Variants in NCAM2 observed in about 807,000 individuals in gnomAD.
The protein encoded by NCAM2 is N-CAM-2.
In NCAM2, 30 loss-of-function variants were observed where a neutral mutation model predicts 98.1. That is an observed-to-expected ratio of 0.31 (90% CI 0.23 to 0.41). The LOEUF (loss-of-function observed/expected upper bound fraction) is 0.41. Ranked by LOEUF, NCAM2 falls within the 10% of genes least tolerant of loss-of-function variation. NCAM2 has a pLI of 1.00. For missense variants in NCAM2, 867 were observed against 1,005.8 expected (o/e 0.86, Z 1.87); for synonymous variants, 368 against 342.4 (o/e 1.07, Z -0.83).
chr21:21,135,934 G>T (rs907450037), intron 1 of NCAM2, among the ~76,000 whole-genome samples: 1 of 123,422 alleles, frequency 8.1e-6, no homozygotes, highest in African/African-American at 3.5e-5. Context: ...AGTGTCCCAT[G>T]TATTTAAAAA....
At chr21:21,537,081 T>A (rs552693746) in intron 17 of NCAM2, among the ~76,000 whole-genome samples, 5 of 152,212 alleles carry the variant, frequency 3.3e-5, no homozygotes, top group African/African-American at 1.2e-4. Context: ...TTCTGAATTT[T>A]ATTTTATTTT....
chr21:21,032,275 GT>G (rs1322992952), intron 1 of NCAM2, among the ~76,000 whole-genome samples: 1 of 152,038 alleles, frequency 6.6e-6, no homozygotes, highest in African/African-American at 2.4e-5. Flanking sequence ...ATGCAAATAT[GT>G]TTTTTATTTA....
intron 9 of NCAM2, among the ~76,000 whole-genome samples, chr21:21,404,316 T>A (rs1432343650): frequency 1.3e-5 from 2 of 152,146 alleles, no homozygotes; most frequent in African/African-American, 4.8e-5. Context: ...CATCTTGAAT[T>A]GTAGCTCCCA....
intron 1 of NCAM2, among the ~76,000 whole-genome samples, chr21:21,045,401 T>C (rs1432537172): frequency 6.6e-6 from 1 of 152,202 alleles, no homozygotes; most frequent in Admixed American, 6.5e-5. Flanking sequence ...TCCAGCACTT[T>C]GGGAGGCCAA....
intron 16 of NCAM2, among the ~76,000 whole-genome samples, chr21:21,510,326 T>C (rs1031709341): frequency 1.3e-5 from 2 of 152,070 alleles, no homozygotes; most frequent in African/African-American, 4.8e-5. Flanking sequence ...GTTCTCTCAT[T>C]TCCTTATCCA....
At chr21:21,034,683 A>G (rs1311072239) in intron 1 of NCAM2, among the ~76,000 whole-genome samples, 1 of 152,228 alleles carries the variant, frequency 6.6e-6, no homozygotes, top group East Asian at 1.9e-4. Context: ...AGTTAATAAA[A>G]AACTGAAAAA....
At chr21:21,259,092 G>A (rs1311033107) in intron 1 of NCAM2, among the ~76,000 whole-genome samples, 1 of 152,120 alleles carries the variant, frequency 6.6e-6, no homozygotes, top group Non-Finnish European at 1.5e-5. Context: ...TGGAGAAGGT[G>A]CTCTTCACAC....
chr21:21,204,999 T>C (rs2069381167), intron 1 of NCAM2, among the ~76,000 whole-genome samples: 1 of 152,126 alleles, frequency 6.6e-6, no homozygotes, highest in African/African-American at 2.4e-5. Flanking sequence ...AATGGACTTC[T>C]GAGATATTTG....
intron 1 of NCAM2, among the ~76,000 whole-genome samples, chr21:21,218,873 G>C (rs1254745910): frequency 6.6e-6 from 1 of 152,192 alleles, no homozygotes; most frequent in East Asian, 1.9e-4. Context: ...GTGAAACCCT[G>C]TTTCTACTGA....
intron 15 of NCAM2, among the ~76,000 whole-genome samples, chr21:21,488,040 T>A (rs1986537354): frequency 6.6e-6 from 1 of 152,092 alleles, no homozygotes; most frequent in Admixed American, 6.6e-5. Flanking sequence ...AAGATTGAAA[T>A]TAAAATATGT....
intron 1 of NCAM2, among the ~76,000 whole-genome samples, chr21:21,114,171 CCTAA>C (rs2066508144): frequency 6.6e-6 from 1 of 152,072 alleles, no homozygotes; most frequent in African/African-American, 2.4e-5. Context: ...TGCTTTTTAA[CCTAA>C]CTCTCAAATA....
intron 1 of NCAM2, among the ~76,000 whole-genome samples, chr21:21,204,486 G>A (rs996013942): frequency 2.0e-5 from 3 of 151,932 alleles, no homozygotes; most frequent in African/African-American, 7.2e-5. Context: ...TGTTTTGTTC[G>A]CTGTTTTGTA....
intron 9 of NCAM2, among the ~76,000 whole-genome samples, chr21:21,375,311 G>A (rs1464919640): frequency 6.7e-6 from 1 of 150,208 alleles, no homozygotes; most frequent in African/African-American, 2.4e-5. Context: ...ACAGTTGTTG[G>A]AATTTACTAA....
At chr21:21,025,528 G>C (rs183974306) in intron 1 of NCAM2, among the ~76,000 whole-genome samples, 89 of 152,260 alleles carry the variant, frequency 5.8e-4, no homozygotes, top group African/African-American at 2.0e-3. Context: ...AGAAATTACT[G>C]TTATTAATGG....
chr21:21,051,730 C>T (rs2065112119), intron 1 of NCAM2, among the ~76,000 whole-genome samples: 1 of 152,172 alleles, frequency 6.6e-6, no homozygotes. Context: ...TGGTTTACAA[C>T]CTCTGTTGCC....
At chr21:21,485,416 T>TAG (rs1023512925) in intron 15 of NCAM2, among the ~76,000 whole-genome samples, 2 of 152,024 alleles carry the variant, frequency 1.3e-5, no homozygotes, top group African/African-American at 4.8e-5. Context: ...TTGCAAGCAT[T>TAG]AGAGAGAGAG....
chr21:21,413,667 A>G (rs1476439247), intron 10 of NCAM2, among the ~76,000 whole-genome samples: 1 of 152,222 alleles, frequency 6.6e-6, no homozygotes, highest in Non-Finnish European at 1.5e-5. Flanking sequence ...AAAGGTCTAC[A>G]TAACATAACT....
intron 1 of NCAM2, among the ~76,000 whole-genome samples, chr21:21,167,517 A>G (rs186825065): frequency 7.9e-5 from 12 of 152,304 alleles, no homozygotes; most frequent in Admixed American, 7.2e-4. Flanking sequence ...AAATCAAGAG[A>G]GAAAAATCAA....
At chr21:21,367,220 C>A (rs2075808964) in intron 8 of NCAM2, among the ~76,000 whole-genome samples, 1 of 151,856 alleles carries the variant, frequency 6.6e-6, no homozygotes, top group Non-Finnish European at 1.5e-5. Context: ...ATCTTCTTGG[C>A]TTCTTTATCT....
Sources: gnomAD v4.1 joint callset for allele counts (sites outside exome capture counted in the v4.1 genomes callset) on GRCh38, gnomAD v4.1.1 for gene constraint, MANE v1.5 for transcripts, NCBI Gene and HGNC (gene_info 2026-07-23, HGNC 2026-07-21) for gene names.